Variants in TTLL3 observed in about 807,000 individuals in gnomAD.
TTLL3 encodes tubulin tyrosine ligase like 3.
TTLL3 carries 63 observed loss-of-function variants against 75.2 expected under a neutral mutation model. That is an observed-to-expected ratio of 0.84 (90% confidence interval 0.68 to 1.03). TTLL3 has a LOEUF of 1.03. TTLL3 is among the 50% of genes least tolerant of loss of function. The pLI, the probability that TTLL3 is intolerant of heterozygous loss-of-function variation, is 0.00. For synonymous variants in TTLL3, 393 were observed against 418.5 expected (o/e 0.94, Z 0.74); for missense variants, 997 against 1,069.9 (o/e 0.93, Z 0.95).
rs1248073365 is a variant in TTLL3 at position 9,810,276 on chromosome 3, G to C, written c.-160G>C. ...GCCAGGCGGGCAGCCCCGCCCCTGC[G>C]CGCCGCCTCAGCGGCGCCTTCAAGA... On this transcript the variant is annotated 5_prime_UTR_variant, in exon 1 of 14. Transcript: ENST00000685419. This position sits in a 1 kb window ranked among gnomAD's most constrained non-coding sequence, Gnocchi z 4.4. 6.6e-7 allele frequency: 1 copy of C among 1,504,438 alleles called. No homozygotes were observed. The highest frequency in any genetic ancestry group is 2.1e-5 in the Admixed American group (1 of 46,612). The allele number at this position is 1,504,438 out of a possible 1,614,324, so 93.2% of individuals were successfully genotyped here.
intron 3 of TTLL3, 59 bp from the exon 4 acceptor site, chr3:9,813,189 C>T: frequency 6.2e-7 from 1 of 1,612,882 alleles, no homozygotes; most frequent in Non-Finnish European, 8.5e-7. Flanking sequence ...AGAGTTGAGG[C>T]CTTATGGGCT....
intron 8 of TTLL3, among the ~76,000 whole-genome samples, chr3:9,823,063 G>A (rs2080635610): frequency 6.6e-6 from 1 of 150,848 alleles, no homozygotes; most frequent in Non-Finnish European, 1.5e-5. Context: ...GGCCAATATG[G>A]TGAAACCCCA....
At chr3:9,829,450 AG>A in intron 11 of TTLL3, 55 bp downstream of exon 11, 2 of 1,531,090 alleles carry the variant, frequency 1.3e-6, no homozygotes, top group Non-Finnish European at 1.8e-6. Context: ...TCTTCCAGGC[AG>A]CCCTGCAGTG....
At chr3:9,834,290 C>A in intron 12 of TTLL3, 1 of 448,978 alleles carries the variant, frequency 2.2e-6, no homozygotes, top group Non-Finnish European at 4.4e-6. Context: ...CTGCCTTTGC[C>A]TTCAAGCAGT....
intron 7 of TTLL3, chr3:9,820,324 G>A: frequency 7.2e-7 from 1 of 1,394,408 alleles, no homozygotes; most frequent in Non-Finnish European, 9.3e-7. Flanking sequence ...AGAGCCTCGA[G>A]TGACAGGTCC....
chr3:9,835,569 C>A lies in TTLL3; in HGVS notation c.*80C>A. ...ACATGGGGCTTCCTATTTAGGGACT[C>A]CCCCAGCATCTCCGATCCAGGGGTG... On this transcript the variant is annotated 3_prime_UTR_variant, in exon 14 of 14. Transcript: ENST00000685419. 1 of 1,359,022 alleles carries A rather than the reference C, an allele frequency of 7.4e-7. No individual in the cohort carries two copies. 84.2% of individuals were successfully genotyped at this position (1,359,022 alleles called of 1,614,324 possible).
chr3:9,822,584 C>T (rs1284032184), intron 8 of TTLL3, among the ~76,000 whole-genome samples: 6 of 151,302 alleles, frequency 4.0e-5, no homozygotes, highest in Non-Finnish European at 5.9e-5. Flanking sequence ...AGTGCAGTGG[C>T]GCAGTCTTGG....
intron 10 of TTLL3, chr3:9,828,635 G>A (rs2081266031): frequency 3.0e-6 from 1 of 337,304 alleles, no homozygotes. Context: ...AACACGTCCT[G>A]GCGATGACGG....
upstream of TTLL3, chr3:9,809,971 C>A: frequency 7.7e-7 from 1 of 1,298,926 alleles, no homozygotes; most frequent in South Asian, 2.4e-5. Context: ...GGCGCGGGAT[C>A]AGGGGCCCTG....
At position 9,813,346 on chromosome 3, in the gene TTLL3, G is replaced by A. The variant is rs2079522847; in HGVS notation, c.315+1G>A. ...CCTAGATGGAACACATGCTCTGATG[G>A]TGAGGGCCCTGGGGGCCAAGATGAT... On this transcript the variant is annotated splice_donor_variant, in intron 4 of 13. Transcript: ENST00000685419. LOFTEE classifies it high-confidence loss of function. 6.2e-7 allele frequency: 1 copy of A among 1,613,954 alleles called. No individual in the cohort carries two copies. The highest frequency in any genetic ancestry group is 1.3e-5 in the African/African-American group (1 of 74,932).
At chr3:9,823,294 G>C (rs1486363355) in intron 8 of TTLL3, among the ~76,000 whole-genome samples, 1 of 151,914 alleles carries the variant, frequency 6.6e-6, no homozygotes, top group East Asian at 1.9e-4. Flanking sequence ...TGAGGCAGGA[G>C]AATGGCGTGA....
rs759225880 is a variant in TTLL3, at chr3:9,813,136, A to G, written c.217+25A>G. On this transcript the variant is annotated intron_variant, in intron 3 of 13. Coordinates refer to ENST00000685419, the MANE Select transcript of TTLL3 (RefSeq NM_001387446.1). ...GGTGAGTGGTTCCTTCCCTTTCCAC[A>G]GCTGTTGCTCCTGAGTCCTTTTCCT... is the stretch of plus-strand genomic sequence containing the variant. 6 of 1,594,058 alleles carry G rather than the reference A, an allele frequency of 3.8e-6. No individual in the cohort carries two copies. The South Asian group carries it at 6.7e-5, about 18-fold the overall frequency.
intron 11 of TTLL3, among the ~76,000 whole-genome samples, chr3:9,832,177 C>G (rs141214557): frequency 0.02 from 2,922 of 147,704 alleles, 83 homozygotes; most frequent in African/African-American, 0.069. Flanking sequence ...CTTCTGTCTC[C>G]TGGGTTCAAG....
intron 11 of TTLL3, among the ~76,000 whole-genome samples, chr3:9,831,048 G>A (rs1055237973): frequency 6.6e-6 from 1 of 152,120 alleles, no homozygotes; most frequent in African/African-American, 2.4e-5. Context: ...TGATTTGCCC[G>A]CCTCGGCCTC....
In TTLL3 at chr3:9,820,838, C is replaced by T. The variant is rs1321979603; in HGVS notation, c.854+97C>T. ...GCCCCTACCCCTTCCCCAAGCCTCCCGCTCGTTTACCCCGCTGTTCTGCTC... is the reference window on the plus strand; with the variant it reads ...GCCCCTACCCCTTCCCCAAGCCTCCTGCTCGTTTACCCCGCTGTTCTGCTC... On this transcript the variant is annotated intron_variant, in intron 8 of 13. Coordinates refer to ENST00000685419, the MANE Select transcript of TTLL3 (RefSeq NM_001387446.1). The T allele has an allele frequency of 1.3e-5, 20 of 1,503,764 alleles. No individual in the cohort carries two copies. In the East Asian group the frequency reaches 1.9e-4, roughly 14 times the overall value. 93.2% of individuals were successfully genotyped at this position (1,503,764 alleles called of 1,614,324 possible).
chr3:9,833,339 C>T (rs2081758308), intron 12 of TTLL3, 94 bp downstream of exon 12: 4 of 1,556,920 alleles, frequency 2.6e-6, no homozygotes, highest in Non-Finnish European at 3.5e-6. Flanking sequence ...GTCTCCACTG[C>T]CACCACTTCA....
intron 10 of TTLL3, 108 bp downstream of exon 10, chr3:9,827,348 A>C: frequency 2.0e-6 from 3 of 1,508,346 alleles, no homozygotes; most frequent in Non-Finnish European, 2.7e-6. Context: ...TAGGCTCCAC[A>C]CACAGACTGC....
At position 9,829,288 on chromosome 3, in the gene TTLL3, A is replaced by C. The variant is rs779682036; in HGVS notation, c.1576A>C (p.Thr526Pro). 2 of 1,614,128 alleles carry C rather than the reference A, an allele frequency of 1.2e-6. No homozygotes were observed. The highest frequency in any genetic ancestry group is 2.2e-5 in the South Asian group (2 of 91,086). Reference sequence around the variant, plus strand: ...CACGATGGCACCCTCCACAGCAGTCACTGCCCGGCTCTGTGCTGGCGTGCA... The same window carrying C: ...CACGATGGCACCCTCCACAGCAGTCCCTGCCCGGCTCTGTGCTGGCGTGCA... ...SPTMAPSTAV[T>P]ARLCAGVQAD... Residue 526 changes from threonine (T) to proline (P), a missense_variant, in exon 11 of 14, where the codon ACT becomes CCT. Coordinates refer to ENST00000685419, the MANE Select transcript of TTLL3 (RefSeq NM_001387446.1).
At chr3:9,815,858 G>A (rs1295130801) in intron 4 of TTLL3, among the ~76,000 whole-genome samples, 1 of 152,242 alleles carries the variant, frequency 6.6e-6, no homozygotes, top group Non-Finnish European at 1.5e-5. Flanking sequence ...AAGGCCAAAA[G>A]GAGGCTGAAA....
Sources: allele counts gnomAD v4.1 joint callset (sites outside exome capture counted in the v4.1 genomes callset), GRCh38; gene constraint gnomAD v4.1.1; non-coding constraint Gnocchi (gnomAD v3.1); transcripts MANE v1.5; gene names NCBI Gene and HGNC (gene_info 2026-07-23, HGNC 2026-07-21).